The following CCSER1 variants were observed in gnomAD, a reference collection of about 807,000 sequenced individuals.
CCSER1 encodes the protein serine-rich coiled-coil domain-containing protein 1.
A neutral mutation model predicts 82.0 loss-of-function variants in CCSER1; 41 were observed. That is an observed-to-expected ratio of 0.50 (90% confidence interval 0.39 to 0.65). The LOEUF (loss-of-function observed/expected upper bound fraction) is 0.65. Ranked by LOEUF, CCSER1 falls within the 30% of genes least tolerant of loss-of-function variation. The probability of loss-of-function intolerance (pLI) is 0.00; values close to 1 mark genes in which losing one functional copy is unlikely to be tolerated. For missense variants in CCSER1, 1,119 were observed against 1,064.2 expected (o/e 1.05, Z -0.72); for synonymous variants, 414 against 383.9 (o/e 1.08, Z -0.92).
Position 90,942,013 on chromosome 4 carries a change from G to A in CCSER1, c.2172+18566G>A, listed in dbSNP as rs563416905. On this transcript the variant is annotated intron_variant, in intron 9 of 10. Transcript: ENST00000509176. ...TCCCAGGCTGCAGTGCAAGTGGTGC[G>A]ATCTTGACCCTGCAACGTCTGCCTC... 1.5e-4 allele frequency among the ~76,000 whole-genome samples: 23 copies of A among 151,870 alleles called. 1 individual carries two copies. In the South Asian group the frequency reaches 4.4e-3, roughly 29 times the overall value.
chr4:91,474,810 T>TACAC (rs1352719096), intron 10 of CCSER1, among the ~76,000 whole-genome samples: 3 of 67,718 alleles, frequency 4.4e-5, no homozygotes, highest in African/African-American at 1.7e-4. Flanking sequence ...TATATATATA[T>TACAC]ATACACACAC....
intron 6 of CCSER1, among the ~76,000 whole-genome samples, chr4:90,639,457 A>G (rs1418723087): frequency 1.3e-5 from 2 of 152,074 alleles, no homozygotes; most frequent in African/African-American, 4.8e-5. Flanking sequence ...AAGTACTACA[A>G]CATGTCAATT....
At chr4:90,545,213 T>G (rs751631206) in intron 5 of CCSER1, among the ~76,000 whole-genome samples, 3 of 152,138 alleles carry the variant, frequency 2.0e-5, no homozygotes, top group Non-Finnish European at 4.4e-5. Context: ...AGAGGAAGTC[T>G]TTCGACATTG....
intron 10 of CCSER1, among the ~76,000 whole-genome samples, chr4:91,449,893 CT>C (rs1033657919): frequency 1.9e-4 from 29 of 152,022 alleles, no homozygotes; most frequent in Admixed American, 9.8e-4. Flanking sequence ...TCAAATCTTT[CT>C]CATTTTGAGG....
chr4:91,252,739 A>T (rs768106179), intron 10 of CCSER1, among the ~76,000 whole-genome samples: 17 of 152,270 alleles, frequency 1.1e-4, no homozygotes, highest in Non-Finnish European at 1.8e-4. Flanking sequence ...TAGCTAGAAT[A>T]AATTCAAATT....
chr4:91,141,352 A>C (rs150194841), intron 10 of CCSER1, among the ~76,000 whole-genome samples: 1 of 152,088 alleles, frequency 6.6e-6, no homozygotes, highest in Non-Finnish European at 1.5e-5. Context: ...GGTTTTCACC[A>C]TGTTGGCCAG....
At chr4:91,359,380 A>G (rs1749096099) in intron 10 of CCSER1, among the ~76,000 whole-genome samples, 1 of 151,746 alleles carries the variant, frequency 6.6e-6, no homozygotes, top group Non-Finnish European at 1.5e-5. Flanking sequence ...TTTCCTTAAA[A>G]CAGGTACTGA....
chr4:90,928,386 T>A (rs752479930), intron 9 of CCSER1, among the ~76,000 whole-genome samples: 5 of 152,108 alleles, frequency 3.3e-5, no homozygotes, highest in Non-Finnish European at 7.4e-5. Context: ...AATTTATTCA[T>A]GCTTTCATTC....
chr4:91,187,416 T>A (rs1734648351), intron 10 of CCSER1, among the ~76,000 whole-genome samples: 1 of 152,236 alleles, frequency 6.6e-6, no homozygotes, highest in Non-Finnish European at 1.5e-5. Context: ...TCTCATTTTT[T>A]AAATAAACAT....
chr4:90,301,687 A>T (rs1265229328), intron 1 of CCSER1, among the ~76,000 whole-genome samples: 1 of 152,096 alleles, frequency 6.6e-6, no homozygotes, highest in Admixed American at 6.6e-5. Flanking sequence ...TATTTTTAAG[A>T]CCTATTATTA....
chr4:90,846,793 GGCACGCCAGCACACCCA>G (rs1763282128), intron 8 of CCSER1, among the ~76,000 whole-genome samples: 1 of 151,980 alleles, frequency 6.6e-6, no homozygotes, highest in Non-Finnish European at 1.5e-5. Context: ...TGGGATTACA[GGCACGCCAGCACACCCA>G]GCTAATTTTT....
At chr4:90,560,209 C>T (rs940782967) in intron 5 of CCSER1, among the ~76,000 whole-genome samples, 1 of 151,958 alleles carries the variant, frequency 6.6e-6, no homozygotes, top group Non-Finnish European at 1.5e-5. Flanking sequence ...TATCCTCTTT[C>T]GGAAAACCAA....
chr4:90,296,580 T>A (rs986923122), intron 1 of CCSER1, among the ~76,000 whole-genome samples: 2 of 152,326 alleles, frequency 1.3e-5, no homozygotes, highest in African/African-American at 4.8e-5. Context: ...GCCTATGTCC[T>A]GAATGGTAAT....
chr4:91,172,305 C>G (rs1732845376), intron 10 of CCSER1, among the ~76,000 whole-genome samples: 1 of 151,904 alleles, frequency 6.6e-6, no homozygotes, highest in Non-Finnish European at 1.5e-5. Flanking sequence ...CAGAGTGTTA[C>G]AGAGAGAAAA....
intron 10 of CCSER1, among the ~76,000 whole-genome samples, chr4:91,475,438 C>T (rs576516280): frequency 1.5e-4 from 23 of 151,818 alleles, no homozygotes; most frequent in African/African-American, 4.6e-4. Context: ...ATTTTATTAC[C>T]AATATCCCAA....
chr4:91,023,991 AG>A (rs1191828059), intron 9 of CCSER1, among the ~76,000 whole-genome samples: 1 of 152,176 alleles, frequency 6.6e-6, no homozygotes, highest in African/African-American at 2.4e-5. Flanking sequence ...TCCAAAGTCA[AG>A]GGGGTGCATC....
chr4:90,873,384 T>C (rs574884992), intron 8 of CCSER1, among the ~76,000 whole-genome samples: 17 of 152,228 alleles, frequency 1.1e-4, no homozygotes, highest in African/African-American at 4.1e-4. Flanking sequence ...CATTCTTCAG[T>C]GTGTCAGTTG....
At chr4:90,721,949 A>C (rs1742755962) in intron 6 of CCSER1, among the ~76,000 whole-genome samples, 1 of 151,568 alleles carries the variant, frequency 6.6e-6, no homozygotes, top group African/African-American at 2.4e-5. Flanking sequence ...TGATTTGAAA[A>C]TTATAGCTAG....
At chr4:91,442,706 T>C (rs1755262019) in intron 10 of CCSER1, among the ~76,000 whole-genome samples, 1 of 129,936 alleles carries the variant, frequency 7.7e-6, no homozygotes, top group Non-Finnish European at 1.6e-5. Context: ...TGGGAGAAAA[T>C]TTTCGCAACC....
Sources: gnomAD v4.1 joint callset for allele counts (sites outside exome capture counted in the v4.1 genomes callset) on GRCh38, gnomAD v4.1.1 for gene constraint, MANE v1.5 for transcripts, NCBI Gene and HGNC (gene_info 2026-07-23, HGNC 2026-07-21) for gene names.